The following SAMMSON variants were observed in gnomAD, a reference collection of about 807,000 sequenced individuals.
SAMMSON encodes long intergenic non-protein coding RNA 1212.
At chr3:70,414,475 C>A (rs1180153606) in intron 2 of SAMMSON, among the ~76,000 whole-genome samples, 1 of 152,116 alleles carries the variant, frequency 6.6e-6, no homozygotes, top group African/African-American at 2.4e-5. Flanking sequence ...GGTGGCTATA[C>A]CTGCACTTAG....
chr3:70,189,067 G>A (rs910502782), intron 4 of SAMMSON, among the ~76,000 whole-genome samples: 5 of 152,050 alleles, frequency 3.3e-5, no homozygotes, highest in East Asian at 1.9e-4. Context: ...GTAATATACC[G>A]CCCCCAGCAC....
intron 7 of SAMMSON, among the ~76,000 whole-genome samples, chr3:70,329,195 T>C (rs1702602428): frequency 6.6e-6 from 1 of 152,108 alleles, no homozygotes; most frequent in Non-Finnish European, 1.5e-5. Flanking sequence ...AACTCAAGTG[T>C]GACAGGAGAA....
At chr3:70,261,133 T>C (rs1303107725) in intron 6 of SAMMSON, among the ~76,000 whole-genome samples, 8 of 152,212 alleles carry the variant, frequency 5.3e-5, no homozygotes. Context: ...AGATGTCCAT[T>C]AGCAGATAAT....
Position 70,168,111 on chromosome 3 carries a change from C to G in SAMMSON, n.508-80996C>G, listed in dbSNP as rs1405996802. 2.6e-5 allele frequency among the ~76,000 whole-genome samples: 4 copies of G among 152,086 alleles called. No individual in the cohort carries two copies. The East Asian group carries it at 7.8e-4, about 30-fold the overall frequency. On this transcript the variant is annotated intron_variant and non_coding_transcript_variant, in intron 4 of 9. Coordinates refer to ENST00000642114, the Ensembl canonical transcript of SAMMSON. ...TCTGAATTAAGGACAAAGAGTGGTT[C>G]TCCTCCAGTTTTCCTATTCCATCTT...
chr3:70,383,216 T>G (rs574122964), intron 9 of SAMMSON, among the ~76,000 whole-genome samples: 1 of 152,058 alleles, frequency 6.6e-6, no homozygotes, highest in South Asian at 2.1e-4. Flanking sequence ...AAATAATTAA[T>G]TATATATAAA....
rs188204081 is a variant in SAMMSON at position 70,091,968 on chromosome 3, G to T, written n.507+20403G>T. On this transcript the variant is annotated intron_variant and non_coding_transcript_variant, in intron 4 of 9. Transcript: ENST00000642114. ...TACACGAAGTAAAGGAAATTAAGGG[G>T]TTTTTTTTGTTTTGTTTTGTTTTAT... 6.8e-4 allele frequency among the ~76,000 whole-genome samples: 104 copies of T among 151,964 alleles called. 1 individual carries two copies. The highest frequency in any genetic ancestry group is 6.2e-3 in the East Asian group (32 of 5,166).
At position 70,057,269 on chromosome 3, in the gene SAMMSON, C is replaced by G. The variant is rs376100240; in HGVS notation, n.418-14207C>G. Among the ~76,000 whole-genome samples, 32 of 152,086 alleles carry G rather than the reference C, an allele frequency of 2.1e-4. No individual in the cohort carries two copies. In the South Asian group the frequency reaches 2.7e-3, roughly 13 times the overall value. ...CTTTAAATATGCCCTTCTTTTCTAT[C>G]TTACCCCCTTCCCTCTCTACTTTTG... On this transcript the variant is annotated intron_variant and non_coding_transcript_variant, in intron 3 of 9. Coordinates refer to ENST00000642114, the Ensembl canonical transcript of SAMMSON.
intron 4 of SAMMSON, chr3:70,071,928 C>A (rs1034938887): frequency 6.6e-6 from 1 of 150,876 alleles, no homozygotes; most frequent in Non-Finnish European, 1.5e-5. Flanking sequence ...TTTTTTTTTC[C>A]TTCTTCAGAC....
At chr3:70,028,190 T>TTCCTTCCTTCCTTCCTTC (rs1559776290) in intron 3 of SAMMSON, among the ~76,000 whole-genome samples, 3 of 143,526 alleles carry the variant, frequency 2.1e-5, no homozygotes, top group African/African-American at 8.5e-5. Flanking sequence ...TTCCTTCCTT[T>TTCCTTCCTTCCTTCCTTC]CTTTCTTTCT....
intron 7 of SAMMSON, among the ~76,000 whole-genome samples, chr3:70,336,630 T>C (rs1487016801): frequency 2.0e-5 from 3 of 152,136 alleles, no homozygotes; most frequent in East Asian, 3.9e-4. Context: ...TCATTAGTCT[T>C]GTAAAACATA....
At chr3:70,117,241 G>T (rs1332402598) in intron 4 of SAMMSON, among the ~76,000 whole-genome samples, 1 of 152,110 alleles carries the variant, frequency 6.6e-6, no homozygotes, top group Non-Finnish European at 1.5e-5. Context: ...TTTTTCAGAA[G>T]GATAACACCC....
intron 3 of SAMMSON, chr3:70,069,200 A>G (rs2067220993): frequency 6.6e-6 from 1 of 152,100 alleles, no homozygotes; most frequent in Non-Finnish European, 1.5e-5. Context: ...GGGGCAACAA[A>G]AGCGCCAAAG....
chr3:70,275,263 C>T (rs572093395), intron 6 of SAMMSON, among the ~76,000 whole-genome samples: 15 of 152,270 alleles, frequency 9.9e-5, no homozygotes, highest in African/African-American at 3.6e-4. Context: ...TGGCTTACAC[C>T]TGTAATCTCA....
intron 7 of SAMMSON, among the ~76,000 whole-genome samples, chr3:70,321,283 T>G (rs940723083): frequency 1.2e-4 from 19 of 152,074 alleles, no homozygotes; most frequent in African/African-American, 4.1e-4. Flanking sequence ...CAAACACTAA[T>G]CTTTTTGTCT....
chr3:70,032,921 A>G (rs901376092), intron 3 of SAMMSON, among the ~76,000 whole-genome samples: 2 of 152,190 alleles, frequency 1.3e-5, no homozygotes, highest in African/African-American at 2.4e-5. Context: ...GGGGCCTTTC[A>G]TAATAGCTCC....
intron 4 of SAMMSON, among the ~76,000 whole-genome samples, chr3:70,216,789 C>T (rs1489779522): frequency 6.6e-6 from 1 of 152,082 alleles, no homozygotes; most frequent in African/African-American, 2.4e-5. Context: ...AGATTTTGCC[C>T]CCCAAGGGAA....
chr3:70,331,341 T>C (rs573597267), intron 7 of SAMMSON, among the ~76,000 whole-genome samples: 2 of 152,244 alleles, frequency 1.3e-5, no homozygotes, highest in African/African-American at 4.8e-5. Flanking sequence ...TCGCTAGGGC[T>C]TATGTACAGC....
chr3:70,341,470 G>A (rs1415393743), intron 7 of SAMMSON, among the ~76,000 whole-genome samples: 1 of 152,168 alleles, frequency 6.6e-6, no homozygotes, highest in Non-Finnish European at 1.5e-5. Context: ...ATGAATCCTA[G>A]TTGGTCAAAA....
In SAMMSON at chr3:70,418,955, CTTTCCTTTCCT is replaced by C. The variant is rs1334230780; in HGVS notation, n.234-43602_234-43592del. The stretch of plus-strand genomic sequence containing the variant: ...CTTTCCTTTCCTTTCCTTTCCTTTC[CTTTCCTTTCCT>C]TTCCTTCCTTCCTTCTCTCTCTCTC... On this transcript the variant is annotated intron_variant and non_coding_transcript_variant, in intron 2 of 3. Coordinates refer to the SAMMSON transcript ENST00000641053. 6.0e-3 allele frequency among the ~76,000 whole-genome samples: 566 copies of C among 94,462 alleles called. 3 individuals carry two copies. The highest frequency in any genetic ancestry group is 0.017 in the African/African-American group (482 of 28,614). The allele number at this position is 94,462 out of a possible 152,430, so 62.0% of individuals were successfully genotyped here. A position where few individuals can be genotyped will look rare whatever the true frequency, so the allele number is the denominator to read the frequency against.
Sources: allele counts gnomAD v4.1 joint callset (sites outside exome capture counted in the v4.1 genomes callset), GRCh38; gene constraint gnomAD v4.1.1; transcripts MANE v1.5; gene names NCBI Gene and HGNC (gene_info 2026-07-23, HGNC 2026-07-21).